DHX9: variants seen among roughly 807,000 people sequenced by gnomAD.
DHX9 encodes the protein DExH-box helicase 9.
In DHX9, 27 loss-of-function variants were observed where a neutral mutation model predicts 148.7. The ratio of observed to expected loss-of-function variants is 0.18; its 90% CI spans 0.13 to 0.25. The LOEUF is 0.25. Ranked by LOEUF, DHX9 falls within the 10% of genes least tolerant of loss-of-function variation. DHX9 has a pLI of 1.00. For synonymous variants in DHX9, 529 were observed against 516.6 expected (o/e 1.02, Z -0.33); for missense variants, 796 against 1,559.6 (o/e 0.51, Z 8.25).
chr1:182,874,104 T>A (rs1198921780), intron 15 of DHX9, among the ~76,000 whole-genome samples: 1 of 152,218 alleles, frequency 6.6e-6, no homozygotes, highest in Non-Finnish European at 1.5e-5. Context: ...CAAAAGAATT[T>A]CAAATAATTT....
intron 24 of DHX9, among the ~76,000 whole-genome samples, chr1:182,882,898 A>G (rs1253602809): frequency 6.6e-6 from 1 of 151,400 alleles, no homozygotes; most frequent in East Asian, 1.9e-4. Flanking sequence ...CCCCAAGCTT[A>G]TTTATGGTTG....
In DHX9 at chr1:182,853,388, C is replaced by T. The variant is rs753396316; in HGVS notation, c.447C>T (p.Tyr149=). The change falls in exon 5 of 28, where the codon TAC becomes TAT. Residue 149 remains tyrosine, a synonymous_variant. Coordinates refer to ENST00000367549, the MANE Select transcript of DHX9 (RefSeq NM_001357.5). ...GAGGAGCCAACTTGAAGGATTACTA[C>T]TCAAGAAAGGAAGAACAAGAAGTGC... The part of the protein sequence containing the change: ...WDRGANLKDY[Y]SRKEEQEVQA... 1.2e-5 allele frequency: 19 copies of T among 1,613,850 alleles called. No homozygotes were observed. The Admixed American group carries it at 1.7e-4, about 14-fold the overall frequency.
At chr1:182,885,633 T>C (rs1332313213) in intron 27 of DHX9, among the ~76,000 whole-genome samples, 2 of 152,230 alleles carry the variant, frequency 1.3e-5, no homozygotes, top group Admixed American at 6.5e-5. Flanking sequence ...TATTGGCATT[T>C]GATCTATCTG....
intron 20 of DHX9, 114 bp from the exon 21 acceptor site, chr1:182,879,131 GTAAAA>G (rs2102617960): frequency 1.3e-6 from 1 of 795,192 alleles, no homozygotes; most frequent in East Asian, 2.8e-5. Context: ...GATGGTAATT[GTAAAA>G]TAAAAGGATG....
intron 3 of DHX9, among the ~76,000 whole-genome samples, chr1:182,847,428 A>G (rs1438015593): frequency 2.6e-5 from 4 of 152,164 alleles, no homozygotes; most frequent in Non-Finnish European, 5.9e-5. Context: ...CAAACTGCAA[A>G]TGCTGTCTTT....
rs144265983 is a variant in DHX9, at chr1:182,887,016, C to T, written c.3462-67C>T. The T allele has an allele frequency of 2.7e-4, 381 of 1,421,516 alleles. 1 individual carries two copies. The African/African-American group carries it at 4.7e-3, about 17-fold the overall frequency. 88.1% of individuals were successfully genotyped at this position (1,421,516 alleles called of 1,614,324 possible). On this transcript the variant is annotated intron_variant, in intron 27 of 27. Transcript: ENST00000367549. ...ATTTTCAAATATAACTAAATGTGTA[C>T]ATTTGGTAAGTCGTTGGGAAATAAT...
rs74633670 is a variant in DHX9, at chr1:182,852,623, G to A, written c.364+279G>A. On this transcript the variant is annotated intron_variant, in intron 4 of 27. Coordinates refer to ENST00000367549, the MANE Select transcript of DHX9 (RefSeq NM_001357.5). The stretch of plus-strand genomic sequence containing the variant: ...AGAATATTTGGTGAAAGAATCTTAT[G>A]AATTGCCTTTTCTTGTTCCTTATTC... 4.8e-3 allele frequency among the ~76,000 whole-genome samples: 737 copies of A among 152,278 alleles called. 5 individuals are homozygous for A. The highest frequency in any genetic ancestry group is 0.017 in the African/African-American group (708 of 41,564).
At position 182,887,475 on chromosome 1, in the gene DHX9, A is replaced by G. The variant is rs982893575; in HGVS notation, c.*41A>G. 80 of 1,543,468 alleles carry G rather than the reference A, an allele frequency of 5.2e-5. No individual in the cohort carries two copies. The highest frequency in any genetic ancestry group is 7.1e-5 in the Non-Finnish European group (80 of 1,132,834). On this transcript the variant is annotated 3_prime_UTR_variant, in exon 28 of 28. Coordinates refer to ENST00000367549, the MANE Select transcript of DHX9 (RefSeq NM_001357.5). ...GTTCCTGTGTGTAGACAGTAAGGAA[A>G]AAAAGGCATGCTATGTGTTACGTGT... is the stretch of plus-strand genomic sequence containing the variant.
In DHX9 at chr1:182,881,273, T is replaced by C. The variant is rs774732393; in HGVS notation, c.2634T>C (p.Asp878=). Reference sequence around the variant, plus strand: ...TCTTTGTGTATTTCAGCGTGGGAGATGCTATCTGTACCATTGCTGCTGCTA... The same window carrying C: ...TCTTTGTGTATTTCAGCGTGGGAGACGCTATCTGTACCATTGCTGCTGCTA... ...MIMGCIFYVG[D]AICTIAAATC... The change falls in exon 23 of 28, where the codon GAT becomes GAC. Residue 878 remains aspartate, a synonymous_variant. Coordinates refer to ENST00000367549, the MANE Select transcript of DHX9 (RefSeq NM_001357.5). 3.1e-6 allele frequency: 5 copies of C among 1,612,750 alleles called. No homozygotes were observed. The Admixed American group carries it at 5.0e-5, about 16-fold the overall frequency.
chr1:182,840,842 G>A (rs1027042296), intron 1 of DHX9, among the ~76,000 whole-genome samples: 7 of 152,178 alleles, frequency 4.6e-5, no homozygotes, highest in African/African-American at 1.7e-4. Context: ...GAGTAACTTG[G>A]TGGATGTCGT....
At chr1:182,852,377 A>G in intron 4 of DHX9, 33 bp downstream of exon 4, 3 of 1,436,394 alleles carry the variant, frequency 2.1e-6, no homozygotes, top group East Asian at 2.3e-5. Context: ...CGTGGTGGAG[A>G]ATAAGATATA....
intron 20 of DHX9, among the ~76,000 whole-genome samples, chr1:182,878,970 G>A (rs1648955187): frequency 6.6e-6 from 1 of 152,232 alleles, no homozygotes; most frequent in Non-Finnish European, 1.5e-5. Context: ...AAGAGACCAT[G>A]GGTGGAGCTA....
At chr1:182,867,417 T>C (rs1648344346) in intron 14 of DHX9, among the ~76,000 whole-genome samples, 1 of 152,204 alleles carries the variant, frequency 6.6e-6, no homozygotes, top group Admixed American at 6.5e-5. Context: ...TGTTTTGTTT[T>C]TTTGAGACAG....
At chr1:182,848,220 CACTT>C (rs1668067331) in intron 3 of DHX9, among the ~76,000 whole-genome samples, 1 of 152,240 alleles carries the variant, frequency 6.6e-6, no homozygotes, top group South Asian at 2.1e-4. Flanking sequence ...TTCTCCGTAA[CACTT>C]ACTTTTTAAC....
At chr1:182,859,513 A>G (rs1354630908) in intron 11 of DHX9, among the ~76,000 whole-genome samples, 1 of 152,236 alleles carries the variant, frequency 6.6e-6, no homozygotes, top group Non-Finnish European at 1.5e-5. Context: ...AAGTAGTTCT[A>G]TTAGAGATAT....
chr1:182,851,629 A>C (rs990608501), intron 3 of DHX9, among the ~76,000 whole-genome samples: 11 of 152,138 alleles, frequency 7.2e-5, no homozygotes, highest in South Asian at 4.1e-4. Context: ...TCAGTTCTTC[A>C]TCCTAAAACC....
At chr1:182,846,002 A>G (rs1668021777) in intron 3 of DHX9, among the ~76,000 whole-genome samples, 2 of 152,072 alleles carry the variant, frequency 1.3e-5, no homozygotes, top group African/African-American at 2.4e-5. Context: ...ATCGTTGGCC[A>G]TTGGTGACTT....
chr1:182,887,006 TA>T (rs1553242497), intron 27 of DHX9, 76 bp from the exon 28 acceptor site: 1 of 1,165,540 alleles, frequency 8.6e-7, no homozygotes, highest in African/African-American at 2.3e-5. Flanking sequence ...CAAATATAAC[TA>T]AATGTGTACA....
At chr1:182,844,635 G>A (rs1667994288) in intron 3 of DHX9, among the ~76,000 whole-genome samples, 3 of 152,204 alleles carry the variant, frequency 2.0e-5, no homozygotes, top group African/African-American at 2.4e-5. Flanking sequence ...CTGGGTTCAA[G>A]CAGTTCTCCT....
Sources: gnomAD v4.1 joint callset for allele counts (sites outside exome capture counted in the v4.1 genomes callset) on GRCh38, gnomAD v4.1.1 for gene constraint, MANE v1.5 for transcripts, NCBI Gene and HGNC (gene_info 2026-07-23, HGNC 2026-07-21) for gene names.